Variants in MAPK8 observed in about 807,000 individuals in gnomAD.
MAPK8 encodes the protein JUN N-terminal kinase.
A neutral mutation model predicts 52.9 loss-of-function variants in MAPK8; 13 were observed. The observed-to-expected ratio is 0.25, with a 90% CI of 0.16 to 0.39. MAPK8 has a LOEUF of 0.39. Among genes scored for constraint, MAPK8 ranks in the 10% least tolerant of loss-of-function variants. MAPK8 has a pLI of 1.00. For missense variants in MAPK8, 300 were observed against 519.2 expected (o/e 0.58, Z 4.10); for synonymous variants, 191 against 169.8 (o/e 1.12, Z -0.97).
chr10:48,426,286 CAT>C (rs1421333702), intron 8 of MAPK8, 92 bp from the exon 9 acceptor site: 40 of 1,106,810 alleles, frequency 3.6e-5, no homozygotes, highest in Middle Eastern at 2.4e-4. Context: ...ATTTTTAAAA[CAT>C]ATGCTTTTTA....
intron 1 of MAPK8, among the ~76,000 whole-genome samples, chr10:48,334,604 G>C (rs1258747876): frequency 2.0e-5 from 3 of 152,128 alleles, no homozygotes; most frequent in African/African-American, 7.2e-5. Flanking sequence ...TATGGCCTTT[G>C]CAAGGAGCTG....
chr10:48,433,482 AT>A (rs1341937977), intron 11 of MAPK8, among the ~76,000 whole-genome samples: 3 of 152,106 alleles, frequency 2.0e-5, no homozygotes, highest in African/African-American at 7.2e-5. Context: ...TACTATCTGA[AT>A]TTCACTCTGA....
At chr10:48,384,703 G>A (rs1287075677) in intron 1 of MAPK8, among the ~76,000 whole-genome samples, 1 of 152,190 alleles carries the variant, frequency 6.6e-6, no homozygotes, top group Non-Finnish European at 1.5e-5. Context: ...AGTGGTATAG[G>A]TCCAGATTAT....
intron 5 of MAPK8, among the ~76,000 whole-genome samples, chr10:48,411,468 C>T (rs2042742853): frequency 6.6e-6 from 1 of 152,202 alleles, no homozygotes; most frequent in African/African-American, 2.4e-5. Context: ...TTTCACATAG[C>T]TCCTATGTGC....
intron 1 of MAPK8, among the ~76,000 whole-genome samples, chr10:48,394,778 A>T (rs568317944): frequency 6.6e-6 from 1 of 152,038 alleles, no homozygotes; most frequent in East Asian, 1.9e-4. Context: ...AAATGAAAAA[A>T]TAAATTGCTT....
intron 1 of MAPK8, among the ~76,000 whole-genome samples, chr10:48,347,450 A>AG (rs1308490648): frequency 6.6e-6 from 1 of 152,192 alleles, no homozygotes; most frequent in Non-Finnish European, 1.5e-5. Context: ...CAGAATGTGC[A>AG]GGTTTGTTAC....
intron 5 of MAPK8, among the ~76,000 whole-genome samples, chr10:48,412,523 C>T (rs2042814865): frequency 6.6e-6 from 1 of 152,176 alleles, no homozygotes; most frequent in African/African-American, 2.4e-5. Flanking sequence ...TTGGAACTCC[C>T]ATTATGCAAA....
At chr10:48,334,013 T>TG (rs1252057720) in intron 1 of MAPK8, among the ~76,000 whole-genome samples, 2 of 152,168 alleles carry the variant, frequency 1.3e-5, no homozygotes, top group Non-Finnish European at 2.9e-5. Context: ...TGGCCCCACT[T>TG]GGGGCTGGCA....
rs1156811242 is a variant in MAPK8 at position 48,437,309 on chromosome 10, T to A, written c.*2280T>A. The A allele has an allele frequency of 6.6e-6, 1 of 152,230 alleles. No individual in the cohort carries two copies. The highest frequency in any genetic ancestry group is 2.4e-5 in the African/African-American group (1 of 41,462). 9.4% of individuals were successfully genotyped at this position (152,230 alleles called of 1,614,324 possible). A position where few individuals can be genotyped will look rare whatever the true frequency, so the allele number is the denominator to read the frequency against. On this transcript the variant is annotated 3_prime_UTR_variant, in exon 12 of 12. Coordinates refer to ENST00000374189, the MANE Select transcript of MAPK8 (RefSeq NM_001323329.2). ...CGTCTTAAATTTGTTAAGCTAAATA[T>A]ATGTTGGTTCTTTTTATTTTGGAAT...
chr10:48,351,151 A>G (rs1010618779), intron 1 of MAPK8, among the ~76,000 whole-genome samples: 1 of 152,190 alleles, frequency 6.6e-6, no homozygotes, highest in Non-Finnish European at 1.5e-5. Flanking sequence ...TTCCATGCTT[A>G]TGGATAGAAG....
chr10:48,340,881 C>T (rs193035441), intron 1 of MAPK8, among the ~76,000 whole-genome samples: 6 of 152,252 alleles, frequency 3.9e-5, no homozygotes, highest in East Asian at 1.9e-4. Context: ...TGATCTGTCT[C>T]CTCAACTTGG....
intron 10 of MAPK8, chr10:48,430,890 G>A (rs1241137670): frequency 5.0e-6 from 2 of 399,808 alleles, no homozygotes; most frequent in Non-Finnish European, 9.1e-6. Context: ...ATGATGTGCT[G>A]TAGCACAAGT....
chr10:48,309,300 C>G (rs1385210364), intron 1 of MAPK8, among the ~76,000 whole-genome samples: 1 of 152,196 alleles, frequency 6.6e-6, no homozygotes, highest in Admixed American at 6.5e-5. Context: ...ATTGTCATCA[C>G]CCCAAGAAGA....
At chr10:48,351,052 T>C (rs1236964521) in intron 1 of MAPK8, among the ~76,000 whole-genome samples, 2 of 151,952 alleles carry the variant, frequency 1.3e-5, no homozygotes, top group South Asian at 2.1e-4. Context: ...TAGGAATACA[T>C]CTTACAAGGG....
chr10:48,404,155 T>C (rs984723639), intron 2 of MAPK8, among the ~76,000 whole-genome samples: 1 of 151,376 alleles, frequency 6.6e-6, no homozygotes, highest in Non-Finnish European at 1.5e-5. Context: ...AGCAAATCTT[T>C]TGAGTAGAAT....
At chr10:48,404,427 A>C (rs1447005627) in intron 2 of MAPK8, among the ~76,000 whole-genome samples, 1 of 152,144 alleles carries the variant, frequency 6.6e-6, no homozygotes, top group Non-Finnish European at 1.5e-5. Context: ...AAGTGCTGGG[A>C]TTACAGGCGT....
intron 1 of MAPK8, among the ~76,000 whole-genome samples, chr10:48,335,068 A>C (rs894682697): frequency 1.3e-5 from 2 of 152,134 alleles, no homozygotes; most frequent in African/African-American, 4.8e-5. Context: ...CTGATCACTT[A>C]TAGTGACTTT....
chr10:48,345,926 C>T (rs982171079), intron 1 of MAPK8, among the ~76,000 whole-genome samples: 2 of 152,168 alleles, frequency 1.3e-5, no homozygotes, highest in Non-Finnish European at 2.9e-5. Flanking sequence ...AGAAGAGTCA[C>T]CCTGATTAGC....
chr10:48,406,764 C>T (rs2042494599), intron 3 of MAPK8, among the ~76,000 whole-genome samples: 1 of 152,150 alleles, frequency 6.6e-6, no homozygotes, highest in Admixed American at 6.5e-5. Context: ...CATAGATGGT[C>T]TTGAGTTTCT....
Sources: allele counts gnomAD v4.1 joint callset (sites outside exome capture counted in the v4.1 genomes callset), GRCh38; gene constraint gnomAD v4.1.1; transcripts MANE v1.5; gene names NCBI Gene and HGNC (gene_info 2026-07-23, HGNC 2026-07-21).